The following KPNA3 variants were observed in gnomAD, a reference collection of about 807,000 sequenced individuals.
KPNA3 encodes karyopherin subunit alpha 3, also known as importin subunit alpha-4.
A neutral mutation model predicts 73.8 loss-of-function variants in KPNA3; 13 were observed. The observed-to-expected ratio is 0.18, with a 90% CI of 0.11 to 0.28. The LOEUF is 0.28. Among genes scored for constraint, KPNA3 ranks in the 10% least tolerant of loss-of-function variants. The pLI is 1.00. For missense variants in KPNA3, 360 were observed against 618.1 expected (o/e 0.58, Z 4.43); for synonymous variants, 186 against 206.9 (o/e 0.90, Z 0.87).
chr13:49,710,083 T>A (rs1354603696), intron 11 of KPNA3, among the ~76,000 whole-genome samples: 2 of 152,046 alleles, frequency 1.3e-5, no homozygotes, highest in East Asian at 3.9e-4. Context: ...GGCAACATAG[T>A]GAAACTCCAT....
chr13:49,731,131 A>G (rs1954464702), intron 6 of KPNA3, among the ~76,000 whole-genome samples: 1 of 148,950 alleles, frequency 6.7e-6, no homozygotes, highest in Non-Finnish European at 1.5e-5. Context: ...CTGGAGTGCA[A>G]TGGCATGATA....
At chr13:49,784,274 T>C (rs1954964462) in intron 1 of KPNA3, among the ~76,000 whole-genome samples, 1 of 151,734 alleles carries the variant, frequency 6.6e-6, no homozygotes, top group Non-Finnish European at 1.5e-5. Context: ...TTACAAAAAA[T>C]CTGAAGGGTG....
At chr13:49,722,753 A>G (rs1345518749) in intron 7 of KPNA3, among the ~76,000 whole-genome samples, 190 bp from the exon 8 acceptor site, 1 of 150,744 alleles carries the variant, frequency 6.6e-6, no homozygotes, top group Non-Finnish European at 1.5e-5. Flanking sequence ...ACCGTAACCA[A>G]CTGGCAGTAT....
intron 1 of KPNA3, among the ~76,000 whole-genome samples, chr13:49,776,091 T>C (rs1400099002): frequency 1.3e-5 from 2 of 152,204 alleles, no homozygotes; most frequent in African/African-American, 4.8e-5. Context: ...ATTTTTGTAT[T>C]GTTAGTAGAG....
intron 6 of KPNA3, among the ~76,000 whole-genome samples, chr13:49,726,645 T>C (rs921292156): frequency 2.0e-5 from 3 of 152,098 alleles, no homozygotes; most frequent in Non-Finnish European, 4.4e-5. Flanking sequence ...AAGGCTGATA[T>C]AGGAGAGACC....
chr13:49,792,547 G>A lies in KPNA3; in HGVS notation c.-41C>T. On this transcript the variant is annotated 5_prime_UTR_variant, in exon 1 of 17. Coordinates refer to ENST00000261667, the MANE Select transcript of KPNA3 (RefSeq NM_002267.4). ...CGGCGGCGGCTACTCCTGCGGCTGC[G>A]GCGGCGGCGGCGGCGAATCTTGGAG... 1.6e-6 allele frequency: 2 copies of A among 1,226,564 alleles called. No homozygotes were observed. Among genetic ancestry groups the A allele is most frequent in the Non-Finnish European group, 1.1e-6 (1 of 876,970 alleles). 76.0% of individuals were successfully genotyped at this position (1,226,564 alleles called of 1,614,324 possible). A position where few individuals can be genotyped will look rare whatever the true frequency, so the allele number is the denominator to read the frequency against.
intron 1 of KPNA3, among the ~76,000 whole-genome samples, chr13:49,773,032 A>G (rs1434683622): frequency 6.6e-6 from 1 of 152,220 alleles, no homozygotes; most frequent in Non-Finnish European, 1.5e-5. Flanking sequence ...CATATAATGA[A>G]TATGAGTCAG....
At position 49,760,711 on chromosome 13, in the gene KPNA3, G is replaced by A. The variant is rs558392510; in HGVS notation, c.70-13718C>T. ...CCCTCTTCTGCTGAAAGGAAAACCC[G>A]GGCGGTCAGGCATTTGATTAGAATG... On this transcript the variant is annotated intron_variant, in intron 1 of 16. Coordinates refer to ENST00000261667, the MANE Select transcript of KPNA3 (RefSeq NM_002267.4). 3.3e-5 allele frequency among the ~76,000 whole-genome samples: 5 copies of A among 152,250 alleles called. No homozygotes were observed. The South Asian group carries it at 8.3e-4, about 25-fold the overall frequency.
Position 49,722,654 on chromosome 13 carries a change from G to A in KPNA3, c.470-91C>T, listed in dbSNP as rs1352325085. 4 of 725,430 alleles carry A rather than the reference G, an allele frequency of 5.5e-6. No individual in the cohort carries two copies. The Admixed American group carries it at 8.6e-5, about 16-fold the overall frequency. The allele number at this position is 725,430 out of a possible 1,614,324, so 44.9% of individuals were successfully genotyped here. A position where few individuals can be genotyped will look rare whatever the true frequency, so the allele number is the denominator to read the frequency against. On this transcript the variant is annotated intron_variant, in intron 7 of 16. Transcript: ENST00000261667. ...AAGAAATTGATCAAATACACAGCCT[G>A]GCATATTGTAGCTGGAAGAACAAAT...
chr13:49,724,916 T>C (rs993466295), intron 7 of KPNA3, among the ~76,000 whole-genome samples: 12 of 152,234 alleles, frequency 7.9e-5, no homozygotes, highest in Admixed American at 4.6e-4. Context: ...GTATTCTCAA[T>C]ACATGATTCA....
chr13:49,775,133 C>T lies in KPNA3; in HGVS notation c.69+17305G>A, dbSNP rs1244172358. Among the ~76,000 whole-genome samples, 10 of 121,240 alleles carry T rather than the reference C, an allele frequency of 8.2e-5. 1 individual carries two copies. The East Asian group carries it at 2.0e-3, about 24-fold the overall frequency. The allele number at this position is 121,240 out of a possible 152,430, so 79.5% of individuals were successfully genotyped here. Reference sequence around the variant, plus strand: ...ATGCCATTGCACTCCAGAGTGAGTGCACTCAGACGACAGAGTGAGACTCTG... The same window carrying T: ...ATGCCATTGCACTCCAGAGTGAGTGTACTCAGACGACAGAGTGAGACTCTG... On this transcript the variant is annotated intron_variant, in intron 1 of 16. Transcript: ENST00000261667.
intron 1 of KPNA3, among the ~76,000 whole-genome samples, chr13:49,764,587 C>G (rs758640320): frequency 2.0e-5 from 3 of 152,146 alleles, no homozygotes; most frequent in Admixed American, 2.0e-4. Flanking sequence ...AGATCCCTGT[C>G]TCCTTTCATC....
chr13:49,780,077 C>T (rs1298683039), intron 1 of KPNA3, among the ~76,000 whole-genome samples: 1 of 152,098 alleles, frequency 6.6e-6, no homozygotes, highest in East Asian at 1.9e-4. Flanking sequence ...CCTTCTTATC[C>T]CTACAATCCC....
intron 6 of KPNA3, among the ~76,000 whole-genome samples, chr13:49,727,540 C>T (rs1190101080): frequency 6.6e-6 from 1 of 150,600 alleles, no homozygotes; most frequent in African/African-American, 2.4e-5. Context: ...AGAGATATAG[C>T]AAATAGTGAT....
chr13:49,757,728 T>C (rs985040528), intron 1 of KPNA3, among the ~76,000 whole-genome samples: 1 of 152,078 alleles, frequency 6.6e-6, no homozygotes, highest in African/African-American at 2.4e-5. Flanking sequence ...TACGCAAATG[T>C]TTACAACAGC....
intron 9 of KPNA3, 109 bp from the exon 10 acceptor site, chr13:49,719,928 C>T (rs1311800872): frequency 7.2e-6 from 5 of 694,626 alleles, no homozygotes; most frequent in Admixed American, 2.9e-5. Flanking sequence ...GCGAGAAAGA[C>T]AATGTTAAAT....
intron 10 of KPNA3, among the ~76,000 whole-genome samples, chr13:49,712,029 A>T (rs1954264274): frequency 6.6e-6 from 1 of 152,108 alleles, no homozygotes; most frequent in South Asian, 2.1e-4. Flanking sequence ...TGGGCCTAAG[A>T]GCTGAGCCCA....
At chr13:49,761,065 A>G (rs1490653617) in intron 1 of KPNA3, among the ~76,000 whole-genome samples, 1 of 152,186 alleles carries the variant, frequency 6.6e-6, no homozygotes, top group Non-Finnish European at 1.5e-5. Context: ...TAGGACAAAA[A>G]CAGTATATGT....
intron 1 of KPNA3, among the ~76,000 whole-genome samples, chr13:49,763,112 A>T (rs1027119457): frequency 6.6e-5 from 10 of 152,292 alleles, no homozygotes; most frequent in African/African-American, 2.4e-4. Context: ...AACATAAAAT[A>T]ACTACAGCAA....
Sources: allele counts gnomAD v4.1 joint callset (sites outside exome capture counted in the v4.1 genomes callset), GRCh38; gene constraint gnomAD v4.1.1; transcripts MANE v1.5; gene names NCBI Gene and HGNC (gene_info 2026-07-23, HGNC 2026-07-21).